Variants in UBE2D4 observed in about 807,000 individuals in gnomAD.
UBE2D4 encodes the protein ubiquitin-conjugating enzyme E2 D4.
UBE2D4 carries 17 observed loss-of-function variants against 23.0 expected under a neutral mutation model. The ratio of observed to expected loss-of-function variants is 0.74; its 90% CI spans 0.51 to 1.11. UBE2D4 has a LOEUF of 1.11. Among genes scored for constraint, UBE2D4 ranks in the 50% least tolerant of loss-of-function variants. The pLI is 0.00. For missense variants in UBE2D4, 139 were observed against 181.8 expected, an observed-to-expected ratio of 0.76 and a Z score of 1.35; for synonymous variants, 61 against 69.4, an observed-to-expected ratio of 0.88 and a Z score of 0.60.
rs1338585965 is a variant in UBE2D4, at chr7:43,954,259, T to C, written c.*1564T>C. The stretch of plus-strand genomic sequence containing the variant: ...CATCTCACCATGTTGAGGATTGCCT[T>C]TTTTTTTTTTTTTTTTTTTTTTTTT... On this transcript the variant is annotated 3_prime_UTR_variant, in exon 7 of 7. Transcript: ENST00000222402. 6.9e-5 allele frequency: 2 copies of C among 28,896 alleles called. No individual in the cohort carries two copies. The highest frequency in any genetic ancestry group is 1.9e-4 in the African/African-American group (1 of 5,140). 1.8% of individuals were successfully genotyped at this position (28,896 alleles called of 1,614,324 possible). A position where few individuals can be genotyped will look rare whatever the true frequency, so the allele number is the denominator to read the frequency against.
chr7:43,932,984 G>GCATATATATATA (rs1269226650), intron 1 of UBE2D4, among the ~76,000 whole-genome samples: 3 of 85,812 alleles, frequency 3.5e-5, no homozygotes, highest in African/African-American at 1.3e-4. Context: ...AAATGTTAAA[G>GCATATATATATA]TATATATATA....
At chr7:43,929,473 A>G (rs922378951) in intron 1 of UBE2D4, among the ~76,000 whole-genome samples, 1 of 151,474 alleles carries the variant, frequency 6.6e-6, no homozygotes, top group Non-Finnish European at 1.5e-5. Context: ...AAATTAGCCA[A>G]GCGTGGTGAC....
intron 2 of UBE2D4, 39 bp from the exon 3 acceptor site, chr7:43,942,787 G>A: frequency 6.2e-7 from 1 of 1,613,912 alleles, no homozygotes; most frequent in South Asian, 1.1e-5. Flanking sequence ...ATGTTTCTTG[G>A]GGGGTCTCTT....
At chr7:43,928,616 G>A (rs2095938655) in intron 1 of UBE2D4, among the ~76,000 whole-genome samples, 2 of 152,130 alleles carry the variant, frequency 1.3e-5, no homozygotes, top group Non-Finnish European at 2.9e-5. Context: ...TGTTGTGAAG[G>A]TTCAGTAGAG....
At chr7:43,943,289 G>A in intron 4 of UBE2D4, 1 of 578,480 alleles carries the variant, frequency 1.7e-6, no homozygotes, top group East Asian at 2.9e-5. Flanking sequence ...CCTTGTGACT[G>A]TAGCTGAGTC....
chr7:43,945,773 TC>T (rs757703380), intron 4 of UBE2D4, among the ~76,000 whole-genome samples: 1 of 133,498 alleles, frequency 7.5e-6, no homozygotes, highest in Non-Finnish European at 1.6e-5. Context: ...GGAGGCAAAA[TC>T]CCTTTTTTTT....
In UBE2D4 at chr7:43,926,463, G is replaced by C; in HGVS notation, c.-70G>C. 7.3e-7 allele frequency: 1 copy of C among 1,375,014 alleles called. No individual in the cohort carries two copies. Among genetic ancestry groups the C allele is most frequent in the Non-Finnish European group, 9.5e-7 (1 of 1,047,350 alleles). 85.2% of individuals were successfully genotyped at this position (1,375,014 alleles called of 1,614,324 possible). A position where few individuals can be genotyped will look rare whatever the true frequency, so the allele number is the denominator to read the frequency against. On this transcript the variant is annotated 5_prime_UTR_variant, in exon 1 of 7. Coordinates refer to ENST00000222402, the MANE Select transcript of UBE2D4 (RefSeq NM_015983.4). ...GGCTCCCGGCGTGCAGCTTGGTGGC[G>C]GCTGAGCCGGCAGCGGGCCGCCTCA...
intron 2 of UBE2D4, chr7:43,941,867 C>A (rs11767584): frequency 0.025 from 3,851 of 152,260 alleles, 89 homozygotes; most frequent in Non-Finnish European, 0.034. Context: ...TTTCTTGAGC[C>A]CAGCCTGGGC....
In UBE2D4 at chr7:43,952,825, C is replaced by T; in HGVS notation, c.*130C>T. The T allele has an allele frequency of 1.3e-6, 1 of 767,464 alleles. No individual in the cohort carries two copies. Among genetic ancestry groups the T allele is most frequent in the South Asian group, 1.5e-5 (1 of 67,220 alleles). The allele number at this position is 767,464 out of a possible 1,614,324, so 47.5% of individuals were successfully genotyped here. A position where few individuals can be genotyped will look rare whatever the true frequency, so the allele number is the denominator to read the frequency against. On this transcript the variant is annotated 3_prime_UTR_variant, in exon 7 of 7. Coordinates refer to ENST00000222402, the MANE Select transcript of UBE2D4 (RefSeq NM_015983.4). ...GTTCTTCAAACAAATGTTGGTCACC[C>T]ACTCTCTCCAGCTGCAGCATGTTGG...
At position 43,938,414 on chromosome 7, in the gene UBE2D4, ACTCT is replaced by A. The variant is rs935854275; in HGVS notation, c.25-13_25-10del. On this transcript the variant is annotated splice_polypyrimidine_tract_variant and intron_variant, in intron 1 of 6. Coordinates refer to ENST00000222402, the MANE Select transcript of UBE2D4 (RefSeq NM_015983.4). ...CCCCAGCATACAGCAGCTCTGACCC[ACTCT>A]CTCATGTTCTAGGAATTAACCGACT... The A allele has an allele frequency of 1.2e-6, 2 of 1,612,784 alleles. No individual in the cohort carries two copies. The highest frequency in any genetic ancestry group is 2.7e-5 in the African/African-American group (2 of 74,668).
At chr7:43,950,169 T>A (rs1301169415) in intron 5 of UBE2D4, among the ~76,000 whole-genome samples, 1 of 152,220 alleles carries the variant, frequency 6.6e-6, no homozygotes, top group Non-Finnish European at 1.5e-5. Flanking sequence ...AATCTCATTT[T>A]AATCCATTTA....
At position 43,944,360 on chromosome 7, in the gene UBE2D4, G is replaced by A. The variant is rs560083650; in HGVS notation, c.198+1329G>A. The A allele has an allele frequency of 1.3e-5, 2 of 152,284 alleles. No homozygotes were observed. The highest frequency in any genetic ancestry group is 4.1e-4 in the South Asian group (2 of 4,830). 9.4% of individuals were successfully genotyped at this position (152,284 alleles called of 1,614,324 possible). A position where few individuals can be genotyped will look rare whatever the true frequency, so the allele number is the denominator to read the frequency against. On this transcript the variant is annotated intron_variant, in intron 4 of 6. Coordinates refer to ENST00000222402, the MANE Select transcript of UBE2D4 (RefSeq NM_015983.4). The surrounding 1 kb of genome is among the most constrained non-coding windows in gnomAD (Gnocchi z 4.0). ...AGTGTGAGCCACCACGCTTGGCCAG[G>A]TTGTGCATTTTGTCAAGACTTACTC...
At chr7:43,926,663 G>C in intron 1 of UBE2D4, 107 bp downstream of exon 1, 1 of 1,240,322 alleles carries the variant, frequency 8.1e-7, no homozygotes, top group Non-Finnish European at 1.1e-6. Context: ...GCGAGTCGCG[G>C]ATACACCTGC....
intron 1 of UBE2D4, among the ~76,000 whole-genome samples, chr7:43,933,674 G>A (rs954434341): frequency 1.3e-5 from 2 of 152,124 alleles, no homozygotes; most frequent in African/African-American, 4.8e-5. Context: ...AACCCAGTAG[G>A]CAGAGGTTGC....
At chr7:43,933,376 A>G (rs964517095) in intron 1 of UBE2D4, among the ~76,000 whole-genome samples, 4 of 152,076 alleles carry the variant, frequency 2.6e-5, no homozygotes, top group African/African-American at 7.2e-5. Flanking sequence ...CAGTGGCTGC[A>G]TAATACTTGG....
intron 4 of UBE2D4, chr7:43,943,254 C>G: frequency 1.7e-6 from 1 of 601,284 alleles, no homozygotes; most frequent in Non-Finnish European, 2.9e-6. Context: ...GCTGGCCTTA[C>G]TGAGGCCACA....
chr7:43,927,204 T>C (rs1451230983), intron 1 of UBE2D4, among the ~76,000 whole-genome samples: 1 of 150,910 alleles, frequency 6.6e-6, no homozygotes, highest in Non-Finnish European at 1.5e-5. Context: ...CTACCTTCAG[T>C]TTTTTTTCTA....
chr7:43,931,848 G>A (rs2095946389), intron 1 of UBE2D4, among the ~76,000 whole-genome samples: 1 of 151,802 alleles, frequency 6.6e-6, no homozygotes, highest in Non-Finnish European at 1.5e-5. Flanking sequence ...ACCATGCCTG[G>A]CTACTTTTTT....
At chr7:43,947,596 T>G (rs1444716194) in intron 4 of UBE2D4, among the ~76,000 whole-genome samples, 3 of 152,250 alleles carry the variant, frequency 2.0e-5, no homozygotes, top group Non-Finnish European at 2.9e-5. Context: ...TGATGGACAT[T>G]TGGGTTGGTT....
Sources: allele counts gnomAD v4.1 joint callset (sites outside exome capture counted in the v4.1 genomes callset), GRCh38; gene constraint gnomAD v4.1.1; non-coding constraint Gnocchi (gnomAD v3.1); transcripts MANE v1.5; gene names NCBI Gene and HGNC (gene_info 2026-07-23, HGNC 2026-07-21).